The following ERC2 variants were observed in gnomAD, a reference collection of about 807,000 sequenced individuals.
ERC2 encodes the protein ERC protein 2.
ERC2 carries 42 observed loss-of-function variants against 114.8 expected under a neutral mutation model. The observed-to-expected ratio is 0.37, with a 90% CI of 0.29 to 0.47. The LOEUF is 0.47. Among genes scored for constraint, ERC2 ranks in the 20% least tolerant of loss-of-function variants. The pLI is 0.99. For synonymous variants in ERC2, 454 were observed against 425.5 expected, an observed-to-expected ratio of 1.07 and a Z score of -0.82; for missense variants, 939 against 1,150.7, an observed-to-expected ratio of 0.82 and a Z score of 2.66.
chr3:56,363,962 T>C (rs1252515728), intron 2 of ERC2, among the ~76,000 whole-genome samples: 1 of 152,024 alleles, frequency 6.6e-6, no homozygotes, highest in Non-Finnish European at 1.5e-5. Flanking sequence ...AACTTTAATA[T>C]TCCCTCATTG....
chr3:55,567,584 T>A lies in ERC2; in HGVS notation c.*40-56308A>T, dbSNP rs79189845. ...GCTGGGAGGTGATGGTGGCCTGGAG[T>A]GGGTGGTGAATGGTGAGATGGTAAG... On this transcript the variant is annotated intron_variant, in intron 17 of 17. Coordinates refer to ENST00000288221, the MANE Select transcript of ERC2 (RefSeq NM_015576.3). 8.0e-3 allele frequency among the ~76,000 whole-genome samples: 1,204 copies of A among 150,000 alleles called. 12 individuals carry two copies. The highest frequency in any genetic ancestry group is 0.013 in the Non-Finnish European group (857 of 67,480).
At chr3:56,336,973 CAT>C (rs2057880408) in intron 2 of ERC2, among the ~76,000 whole-genome samples, 1 of 152,144 alleles carries the variant, frequency 6.6e-6, no homozygotes, top group Admixed American at 6.5e-5. Flanking sequence ...GTTAGAAAAA[CAT>C]ATGAATATTT....
chr3:55,592,577 T>C (rs566706236), intron 17 of ERC2, among the ~76,000 whole-genome samples: 2 of 152,312 alleles, frequency 1.3e-5, no homozygotes, highest in South Asian at 4.1e-4. Context: ...GGAACCTGTT[T>C]TTCATCTCTC....
At chr3:56,078,623 A>T (rs1347068443) in intron 7 of ERC2, among the ~76,000 whole-genome samples, 1 of 152,276 alleles carries the variant, frequency 6.6e-6, no homozygotes, top group East Asian at 1.9e-4. Flanking sequence ...CAAATTCACA[A>T]GAACAAGTGC....
chr3:55,870,845 CAA>C (rs760234168), intron 14 of ERC2, among the ~76,000 whole-genome samples: 2 of 152,346 alleles, frequency 1.3e-5, no homozygotes, highest in South Asian at 2.1e-4. Flanking sequence ...GTGATGGACG[CAA>C]AGTCTGTTTT....
chr3:56,429,020 G>A (rs368425312), intron 2 of ERC2, among the ~76,000 whole-genome samples: 18 of 152,256 alleles, frequency 1.2e-4, no homozygotes, highest in African/African-American at 2.9e-4. Context: ...GAAGAAATCC[G>A]TTAGAAATAC....
At chr3:55,604,593 G>A (rs1279848891) in intron 17 of ERC2, among the ~76,000 whole-genome samples, 1 of 152,180 alleles carries the variant, frequency 6.6e-6, no homozygotes, top group East Asian at 1.9e-4. Flanking sequence ...AACAGATGAG[G>A]TTGGGAAGGT....
intron 2 of ERC2, among the ~76,000 whole-genome samples, chr3:56,412,690 A>G (rs2060989007): frequency 6.6e-6 from 1 of 152,226 alleles, no homozygotes; most frequent in Non-Finnish European, 1.5e-5. Flanking sequence ...TGTGAGCTGT[A>G]TACCTCAAAT....
intron 14 of ERC2, among the ~76,000 whole-genome samples, chr3:55,854,661 T>A (rs184764968): frequency 6.6e-6 from 1 of 152,162 alleles, no homozygotes; most frequent in Non-Finnish European, 1.5e-5. Flanking sequence ...GAGCCCTTCC[T>A]ATTGCCAGGA....
intron 3 of ERC2, among the ~76,000 whole-genome samples, chr3:56,179,810 C>T (rs2083190772): frequency 6.6e-6 from 1 of 151,558 alleles, no homozygotes; most frequent in South Asian, 2.1e-4. Flanking sequence ...TGATATTAGA[C>T]ATTTAAGTGA....
chr3:55,827,343 G>A (rs577541623), intron 14 of ERC2, among the ~76,000 whole-genome samples: 21 of 151,408 alleles, frequency 1.4e-4, no homozygotes, highest in East Asian at 9.7e-4. Context: ...AAAGAGGGAC[G>A]GAGGAGGAGA....
chr3:55,692,305 C>T (rs926174962), intron 16 of ERC2, among the ~76,000 whole-genome samples: 24 of 152,212 alleles, frequency 1.6e-4, no homozygotes, highest in African/African-American at 5.1e-4. Flanking sequence ...CTTCATTCTT[C>T]TGTTGGACTG....
At chr3:55,721,265 C>T (rs1415033374) in intron 15 of ERC2, among the ~76,000 whole-genome samples, 1 of 152,200 alleles carries the variant, frequency 6.6e-6, no homozygotes, top group Non-Finnish European at 1.5e-5. Flanking sequence ...ACTGCCTCTT[C>T]AAGTTTTTGT....
intron 2 of ERC2, among the ~76,000 whole-genome samples, chr3:56,350,629 T>C (rs1033902583): frequency 1.3e-5 from 2 of 151,706 alleles, no homozygotes; most frequent in African/African-American, 4.8e-5. Context: ...ATTAAAGAAA[T>C]GAAGAAGAGT....
chr3:56,309,685 C>T (rs2056428271), intron 2 of ERC2, among the ~76,000 whole-genome samples: 2 of 152,204 alleles, frequency 1.3e-5, no homozygotes, highest in African/African-American at 4.8e-5. Flanking sequence ...ATAATTGTAA[C>T]TCACTACAGG....
intron 15 of ERC2, among the ~76,000 whole-genome samples, chr3:55,709,732 C>A (rs895578598): frequency 6.6e-6 from 1 of 152,194 alleles, no homozygotes; most frequent in Non-Finnish European, 1.5e-5. Flanking sequence ...AATGACCCCC[C>A]AAAGGGGGAG....
At chr3:56,173,299 G>A (rs559992731) in intron 4 of ERC2, 147 bp downstream of exon 4, 16 of 726,586 alleles carry the variant, frequency 2.2e-5, no homozygotes, top group Middle Eastern at 2.3e-4. Context: ...AATGTGCCCA[G>A]GAAGGTAAAA....
chr3:56,343,929 C>A (rs1202255361), intron 2 of ERC2, among the ~76,000 whole-genome samples: 1 of 152,062 alleles, frequency 6.6e-6, no homozygotes, highest in Non-Finnish European at 1.5e-5. Flanking sequence ...AATTCAATAA[C>A]AACAAAGAAA....
chr3:55,788,080 A>C lies in ERC2; in HGVS notation c.2565-53162T>G, dbSNP rs1283529624. Among the ~76,000 whole-genome samples, 4 of 152,228 alleles carry C rather than the reference A, an allele frequency of 2.6e-5. No individual in the cohort carries two copies. The East Asian group carries it at 7.7e-4, about 29-fold the overall frequency. On this transcript the variant is annotated intron_variant, in intron 14 of 17. Coordinates refer to ENST00000288221, the MANE Select transcript of ERC2 (RefSeq NM_015576.3). ...AATTAGACATACTAAAAGGGAGAGG[A>C]GATTTTTAACTAATCCCTCACAGAA...
Sources: allele counts gnomAD v4.1 joint callset (sites outside exome capture counted in the v4.1 genomes callset), GRCh38; gene constraint gnomAD v4.1.1; transcripts MANE v1.5; gene names NCBI Gene and HGNC (gene_info 2026-07-23, HGNC 2026-07-21).